Variants in TGS1 observed in about 807,000 individuals in gnomAD.
TGS1 encodes the protein trimethylguanosine synthase.
In TGS1, 69 loss-of-function variants were observed where a neutral mutation model predicts 92.2. That is an observed-to-expected ratio of 0.75 (90% CI 0.62 to 0.91). TGS1 has a LOEUF of 0.91. TGS1 is among the 40% of genes least tolerant of loss of function. The pLI, the probability that TGS1 is intolerant of heterozygous loss-of-function variation, is 0.00. For synonymous variants in TGS1, 345 were observed against 338.1 expected (o/e 1.02, Z -0.22); for missense variants, 1,062 against 1,001.2 (o/e 1.06, Z -0.82).
intron 2 of TGS1, 54 bp downstream of exon 2, chr8:55,782,866 G>A: frequency 9.0e-7 from 1 of 1,116,448 alleles, no homozygotes; most frequent in Non-Finnish European, 1.3e-6. Flanking sequence ...GCCATAATGT[G>A]TTAATTTATG....
In TGS1 at chr8:55,798,776, G is replaced by A. The variant is rs1812129498; in HGVS notation, c.1543-138G>A. The stretch of plus-strand genomic sequence containing the variant: ...TTAGGTCAGAATTACTTACTATTAA[G>A]CTTGTGTGATGCAGTCTGCTTTTCA... On this transcript the variant is annotated intron_variant, in intron 7 of 12. Transcript: ENST00000260129. 7.6e-6 allele frequency: 5 copies of A among 654,696 alleles called. No individual in the cohort carries two copies. The East Asian group carries it at 1.4e-4, about 18-fold the overall frequency. The allele number at this position is 654,696 out of a possible 1,614,324, so 40.6% of individuals were successfully genotyped here.
At chr8:55,780,199 T>G (rs908523541) in intron 1 of TGS1, among the ~76,000 whole-genome samples, 5 of 149,808 alleles carry the variant, frequency 3.3e-5, no homozygotes, top group Admixed American at 6.7e-5. Context: ...AGTCAGAGAT[T>G]CGCTCTGCTG....
intron 1 of TGS1, among the ~76,000 whole-genome samples, chr8:55,775,209 G>A (rs1173708552): frequency 1.3e-5 from 2 of 150,168 alleles, no homozygotes; most frequent in East Asian, 1.9e-4. Flanking sequence ...AGCCATTGTC[G>A]TGCCTGGATG....
intron 6 of TGS1, among the ~76,000 whole-genome samples, chr8:55,793,789 A>AT (rs1433474649): frequency 1.3e-4 from 19 of 148,654 alleles, no homozygotes; most frequent in East Asian, 2.0e-4. Flanking sequence ...TTAATTTTTT[A>AT]TTTTTTTTAG....
chr8:55,813,159 A>T (rs193284838), intron 12 of TGS1, 41 bp downstream of exon 12: 68,110 of 1,389,652 alleles, frequency 0.049, 1,907 homozygotes, highest in East Asian at 0.096. Flanking sequence ...GTCTGTCTTA[A>T]CTGTTACAAG....
chr8:55,776,234 C>T (rs576825383), intron 1 of TGS1, among the ~76,000 whole-genome samples: 9 of 149,750 alleles, frequency 6.0e-5, no homozygotes, highest in Admixed American at 2.0e-4. Context: ...GCGTACACCA[C>T]TAATTAGAAA....
At chr8:55,804,286 C>T (rs1812300933) in intron 9 of TGS1, among the ~76,000 whole-genome samples, 1 of 152,110 alleles carries the variant, frequency 6.6e-6, no homozygotes, top group African/African-American at 2.4e-5. Flanking sequence ...CCTAAAAATA[C>T]AAAAATTGGC....
chr8:55,810,897 C>T lies in TGS1; in HGVS notation c.2160C>T (p.Ile720=), dbSNP rs368766097. Residue 720 remains isoleucine (I), a synonymous_variant, in exon 11 of 13, where the codon ATC becomes ATT. Transcript: ENST00000260129. ...CACTTTTAGTGATTGCCATTGATAT[C>T]GATCCTGTTAAGATTGCCCTTGCTC... is the stretch of plus-strand genomic sequence containing the variant. ...LTGMRVIAID[I]DPVKIALARN... 8.4e-5 allele frequency: 136 copies of T among 1,613,772 alleles called. No individual in the cohort carries two copies. Among genetic ancestry groups the T allele is most frequent in the Non-Finnish European group, 1.1e-4 (125 of 1,179,928 alleles).
Position 55,810,992 on chromosome 8 carries a change from C to T in TGS1, c.2255C>T (p.Ala752Val), listed in dbSNP as rs1236277638. Residue 752 changes from alanine (A) to valine (V), a missense_variant, in exon 11 of 13, where the codon GCT becomes GTT. By Grantham distance (64) the Ala-to-Val change is moderately conservative. Transcript: ENST00000260129. ...EFICGDFLLL[A>V]SFLKADVVFL... ...ATCTGTGGAGATTTCTTGCTGCTGGCTTCTTTTTTAAAGGCTGATGTTGTG... is the reference window on the plus strand; with the variant it reads ...ATCTGTGGAGATTTCTTGCTGCTGGTTTCTTTTTTAAAGGCTGATGTTGTG... 6.2e-7 allele frequency: 1 copy of T among 1,614,166 alleles called. No homozygotes were observed. Among genetic ancestry groups the T allele is most frequent in the Admixed American group, 1.7e-5 (1 of 60,016 alleles).
At chr8:55,817,510 C>G (rs1243224909) in intron 12 of TGS1, among the ~76,000 whole-genome samples, 1 of 151,990 alleles carries the variant, frequency 6.6e-6, no homozygotes, top group Non-Finnish European at 1.5e-5. Flanking sequence ...TGGCTAAATA[C>G]AATAAAAATT....
intron 1 of TGS1, among the ~76,000 whole-genome samples, chr8:55,774,561 G>A (rs1447893442): frequency 2.0e-5 from 3 of 151,978 alleles, no homozygotes; most frequent in Non-Finnish European, 4.4e-5. Flanking sequence ...AAGTATTGTC[G>A]CCTTTTTAGT....
In TGS1 at chr8:55,786,979, G is replaced by C. The variant is rs142667771; in HGVS notation, c.1081G>C (p.Gly361Arg). ...VSSKRECPAS[G>R]QSEPRNGGTN... ...TAGCAAAAGAGAGTGCCCTGCTTCC[G>C]GCCAAAGTGAACCACGTAATGGAGG... Residue 361 changes from glycine (G) to arginine (R), a missense_variant, in exon 4 of 13, where the codon GGC (glycine) becomes CGC (arginine). Physicochemically the swap from Gly to Arg is moderately radical, Grantham distance 125. Coordinates refer to ENST00000260129, the MANE Select transcript of TGS1 (RefSeq NM_024831.8). 1 of 1,614,048 alleles carries C rather than the reference G, an allele frequency of 6.2e-7. No homozygotes were observed. Among genetic ancestry groups the C allele is most frequent in the Non-Finnish European group, 8.5e-7 (1 of 1,180,004 alleles).
At position 55,796,074 on chromosome 8, in the gene TGS1, A is replaced by C; in HGVS notation, c.1464A>C (p.Ile488=). The change falls in exon 7 of 13, where the codon ATA becomes ATC. Residue 488 remains isoleucine, a synonymous_variant. Transcript: ENST00000260129. ...AGTACCTAGACATGCGCAGACAAAT[A>C]AAGATGAAAAACAAACACATCTTCT... The part of the protein sequence containing the change: ...KSKYLDMRRQ[I]KMKNKHIFFT... The C allele has an allele frequency of 1.2e-6, 2 of 1,613,354 alleles. No individual in the cohort carries two copies. Among genetic ancestry groups the C allele is most frequent in the Non-Finnish European group, 1.7e-6 (2 of 1,179,422 alleles).
At chr8:55,788,454 C>T (rs1811781560) in intron 4 of TGS1, among the ~76,000 whole-genome samples, 6 of 91,100 alleles carry the variant, frequency 6.6e-5, no homozygotes, top group African/African-American at 8.9e-5. Context: ...CATTTTCATC[C>T]TTTTTTTTTT....
intron 7 of TGS1, among the ~76,000 whole-genome samples, chr8:55,797,013 T>G (rs1585772594): frequency 1.3e-5 from 2 of 151,902 alleles, no homozygotes; most frequent in South Asian, 4.2e-4. Flanking sequence ...ACCTTGCCTA[T>G]GTAGTAACAG....
At chr8:55,773,821 C>T (rs1431573563) in intron 1 of TGS1, 102 bp downstream of exon 1, 2 of 927,446 alleles carry the variant, frequency 2.2e-6, no homozygotes, top group African/African-American at 1.7e-5. Context: ...GCAGCCAGAA[C>T]ATCTGACCCT....
intron 7 of TGS1, among the ~76,000 whole-genome samples, chr8:55,797,669 T>C (rs1309192624): frequency 6.6e-6 from 1 of 152,134 alleles, no homozygotes. Context: ...AGTTAGAAAA[T>C]TGCTTGGTGT....
intron 10 of TGS1, among the ~76,000 whole-genome samples, chr8:55,808,511 C>T (rs1391293204): frequency 8.5e-6 from 1 of 117,934 alleles, no homozygotes; most frequent in Non-Finnish European, 1.8e-5. Flanking sequence ...TTCTTTTTTT[C>T]TTTTTTTTTT....
intron 9 of TGS1, 29 bp downstream of exon 9, chr8:55,802,635 AT>A (rs1460533362): frequency 1.3e-6 from 2 of 1,572,276 alleles, no homozygotes; most frequent in Non-Finnish European, 1.7e-6. Flanking sequence ...TTTTAGCTTT[AT>A]TTTGAAACCA....
Sources: gnomAD v4.1 joint callset for allele counts (sites outside exome capture counted in the v4.1 genomes callset) on GRCh38, gnomAD v4.1.1 for gene constraint, MANE v1.5 for transcripts, NCBI Gene and HGNC (gene_info 2026-07-23, HGNC 2026-07-21) for gene names.